The following LZTFL1 variants were observed in gnomAD, a reference collection of about 807,000 sequenced individuals.
LZTFL1 encodes leucine zipper transcription factor like 1.
In LZTFL1, 25 loss-of-function variants were observed where a neutral mutation model predicts 45.9. The ratio of observed to expected loss-of-function variants is 0.54; its 90% CI spans 0.40 to 0.76. The LOEUF is 0.76. Among genes scored for constraint, LZTFL1 ranks in the 30% least tolerant of loss-of-function variants. The pLI is 0.00. For missense variants in LZTFL1, 277 were observed against 331.1 expected (o/e 0.84, Z 1.27); for synonymous variants, 93 against 117.4 (o/e 0.79, Z 1.35).
At chr3:45,849,929 AT>A (rs1701281878) in intron 4 of LZTFL1, among the ~76,000 whole-genome samples, 1 of 152,226 alleles carries the variant, frequency 6.6e-6, no homozygotes, top group African/African-American at 2.4e-5. Flanking sequence ...GATTTAATGT[AT>A]GAATTTCTAT....
intron 3 of LZTFL1, 172 bp downstream of exon 3, chr3:45,835,418 G>A: frequency 3.4e-6 from 2 of 586,566 alleles, no homozygotes; most frequent in Non-Finnish European, 6.0e-6. Flanking sequence ...ACTTTTAAAA[G>A]GGTGCTTAGT....
intron 3 of LZTFL1, 156 bp from the exon 4 acceptor site, chr3:45,834,454 G>C (rs942629278): frequency 6.9e-5 from 36 of 518,760 alleles, no homozygotes; most frequent in Non-Finnish European, 1.1e-4. Context: ...AGTTGCAAAT[G>C]GTTGAGAACC....
chr3:45,873,359 A>G (rs954080325), intron 2 of LZTFL1, among the ~76,000 whole-genome samples: 1 of 152,228 alleles, frequency 6.6e-6, no homozygotes, highest in African/African-American at 2.4e-5. Context: ...AATCAATGTT[A>G]GACATTCTTC....
chr3:45,912,401 G>A (rs1432758226), intron 2 of LZTFL1, among the ~76,000 whole-genome samples: 2 of 152,172 alleles, frequency 1.3e-5, no homozygotes, highest in Admixed American at 6.5e-5. Flanking sequence ...CCATCCAGAG[G>A]AGTCCCTTTT....
rs192536760 is a variant in LZTFL1 at position 45,908,360 on chromosome 3, C to T, written c.-215+4760G>A. Among the ~76,000 whole-genome samples, 269 of 152,314 alleles carry T rather than the reference C, an allele frequency of 1.8e-3. 1 individual carries two copies. The highest frequency in any genetic ancestry group is 1.6e-3 in the Non-Finnish European group (107 of 68,028). The stretch of plus-strand genomic sequence containing the variant: ...TTTCAACTGTTGCTGTAATTAGCCT[C>T]ATTCAACATTTATTGAGCATTTAGT... On this transcript the variant is annotated intron_variant, in intron 2 of 4. Transcript: ENST00000472635.
At position 45,833,046 on chromosome 3, in the gene LZTFL1, T is replaced by C; in HGVS notation, c.456+4A>G. ...CTTTCCGTTTCTCAAAATAATAATA[T>C]TACCTTGTTTAGGAGTTCTGCTGTT... On this transcript the variant is annotated splice_donor_region_variant and intron_variant, in intron 5 of 9. Transcript: ENST00000296135. 6.2e-7 allele frequency: 1 copy of C among 1,607,218 alleles called. No homozygotes were observed. Among genetic ancestry groups the C allele is most frequent in the Non-Finnish European group, 8.5e-7 (1 of 1,174,070 alleles).
chr3:45,843,826 C>A (rs1389360243), upstream of LZTFL1, among the ~76,000 whole-genome samples: 1 of 152,180 alleles, frequency 6.6e-6, no homozygotes, highest in African/African-American at 2.4e-5. Flanking sequence ...CATGAAAAGG[C>A]TGAACTTGTA....
chr3:45,877,122 G>A (rs755790844), intron 2 of LZTFL1, among the ~76,000 whole-genome samples: 9 of 152,030 alleles, frequency 5.9e-5, no homozygotes, highest in African/African-American at 9.7e-5. Context: ...GAATAAAATC[G>A]TGAAACTATT....
intron 2 of LZTFL1, among the ~76,000 whole-genome samples, chr3:45,885,487 T>G (rs1014663489): frequency 6.6e-6 from 1 of 152,254 alleles, no homozygotes; most frequent in African/African-American, 2.4e-5. Context: ...GTATCTGATG[T>G]GCAAAACCTT....
chr3:45,884,285 T>C (rs1392684442), intron 2 of LZTFL1, among the ~76,000 whole-genome samples: 1 of 152,132 alleles, frequency 6.6e-6, no homozygotes, highest in East Asian at 1.9e-4. Flanking sequence ...AACAAGAGGA[T>C]AGGGCTTTTT....
intron 2 of LZTFL1, among the ~76,000 whole-genome samples, chr3:45,879,353 A>G (rs1448127694): frequency 2.0e-5 from 3 of 152,230 alleles, no homozygotes; most frequent in Admixed American, 1.3e-4. Context: ...CTAGCAAGCC[A>G]TGAAAAGACA....
intron 2 of LZTFL1, among the ~76,000 whole-genome samples, chr3:45,873,838 A>G (rs1701707547): frequency 1.3e-5 from 2 of 152,134 alleles, no homozygotes. Context: ...AATCTTCCCC[A>G]ACAGGCTTAC....
At chr3:45,895,337 T>A (rs1218976006) in intron 2 of LZTFL1, among the ~76,000 whole-genome samples, 1 of 152,260 alleles carries the variant, frequency 6.6e-6, no homozygotes, top group Non-Finnish European at 1.5e-5. Context: ...TAGTTGTATT[T>A]CTTGCATAAC....
upstream of LZTFL1, among the ~76,000 whole-genome samples, chr3:45,845,482 T>G (rs748674228): frequency 2.0e-5 from 3 of 152,188 alleles, no homozygotes; most frequent in Non-Finnish European, 2.9e-5. Flanking sequence ...ATGAGTGTGA[T>G]GATTGTGAAA....
intron 3 of LZTFL1, among the ~76,000 whole-genome samples, chr3:45,858,564 C>G (rs892007048): frequency 6.6e-6 from 1 of 152,164 alleles, no homozygotes; most frequent in African/African-American, 2.4e-5. Flanking sequence ...ATTTTGTAAA[C>G]TGTACTCATA....
intron 2 of LZTFL1, among the ~76,000 whole-genome samples, chr3:45,863,709 C>T (rs1575276068): frequency 6.6e-6 from 1 of 152,294 alleles, no homozygotes; most frequent in East Asian, 1.9e-4. Flanking sequence ...AATGACACCA[C>T]TGGCAAGCAA....
chr3:45,894,323 T>C (rs1192726900), intron 2 of LZTFL1, among the ~76,000 whole-genome samples: 1 of 152,054 alleles, frequency 6.6e-6, no homozygotes, highest in African/African-American at 2.4e-5. Context: ...GGGCACCGGG[T>C]CTTTTAGGGA....
chr3:45,890,130 T>C, intron 2 of LZTFL1, among the ~76,000 whole-genome samples: 1 of 149,402 alleles, frequency 6.7e-6, no homozygotes, highest in Non-Finnish European at 1.5e-5. Flanking sequence ...TGTCACTCAC[T>C]ATAACAAAGC....
intron 2 of LZTFL1, among the ~76,000 whole-genome samples, chr3:45,868,727 C>T (rs1701619158): frequency 6.6e-6 from 1 of 152,268 alleles, no homozygotes; most frequent in East Asian, 1.9e-4. Context: ...ATCATAATAA[C>T]AGCCGATATT....
Sources: allele counts gnomAD v4.1 joint callset (sites outside exome capture counted in the v4.1 genomes callset), GRCh38; gene constraint gnomAD v4.1.1; transcripts MANE v1.5; gene names NCBI Gene and HGNC (gene_info 2026-07-23, HGNC 2026-07-21).